NLRC5: variants seen among roughly 807,000 people sequenced by gnomAD.
The protein encoded by NLRC5 is NLR family CARD domain containing 5, also known as protein NLRC5.
In NLRC5, 114 loss-of-function variants were observed where a neutral mutation model predicts 206.9. The ratio of observed to expected loss-of-function variants is 0.55; its 90% CI spans 0.47 to 0.64. The LOEUF (loss-of-function observed/expected upper bound fraction) is 0.64. Among genes scored for constraint, NLRC5 ranks in the 30% least tolerant of loss-of-function variants. The pLI is 0.00. For missense variants in NLRC5, 2,008 were observed against 2,305.5 expected, an observed-to-expected ratio of 0.87 and a Z score of 2.64; for synonymous variants, 952 against 962.8, an observed-to-expected ratio of 0.99 and a Z score of 0.21.
In NLRC5 at chr16:57,070,567, C is replaced by A; in HGVS notation, c.4616C>A (p.Thr1539Asn). 1 of 1,614,094 alleles carries A rather than the reference C, an allele frequency of 6.2e-7. No individual in the cohort carries two copies. Among genetic ancestry groups the A allele is most frequent in the Non-Finnish European group, 8.5e-7 (1 of 1,180,010 alleles). ...LSNNQFDEEGTKALMRALEGK... is the reference protein window; with the variant it reads ...LSNNQFDEEGNKALMRALEGK... The stretch of plus-strand genomic sequence containing the variant: ...AACAATCAATTTGATGAGGAGGGCA[C>A]CAAGGCGCTGATGAGGGCCCTTGAG... The change falls in exon 38 of 49, where the codon ACC (threonine) becomes AAC (asparagine). Residue 1539 changes from threonine to asparagine, a missense_variant. Thr to Asn is a moderately conservative substitution (Grantham distance 65, BLOSUM62 0). Coordinates refer to ENST00000688547, the MANE Select transcript of NLRC5 (RefSeq NM_001384950.1).
chr16:57,041,507 G>A lies in NLRC5; in HGVS notation c.2962G>A (p.Glu988Lys). The A allele has an allele frequency of 6.2e-7, 1 of 1,614,108 alleles. No homozygotes were observed. The highest frequency in any genetic ancestry group is 8.5e-7 in the Non-Finnish European group (1 of 1,180,004). ...RMRLTHCGLQ[E>K]KHLEQLCKAL... Reference sequence around the variant, plus strand: ...CAGGCTGACACATTGTGGCCTCCAAGAAAAGCACCTAGAGCAGCTCTGCAA... The same window carrying A: ...CAGGCTGACACATTGTGGCCTCCAAAAAAAGCACCTAGAGCAGCTCTGCAA... Residue 988 changes from glutamate to lysine, a missense_variant, in exon 18 of 49, where the codon GAA becomes AAA. Coordinates refer to ENST00000688547, the MANE Select transcript of NLRC5 (RefSeq NM_001384950.1).
chr16:57,079,352 T>A, intron 45 of NLRC5, 60 bp downstream of exon 45: 1 of 1,576,716 alleles, frequency 6.3e-7, no homozygotes, highest in East Asian at 2.2e-5. Flanking sequence ...AGCCCTTCTC[T>A]GACTGAGCCT....
intron 1 of NLRC5, chr16:56,990,475 T>C (rs1290465675): frequency 1.3e-5 from 2 of 152,214 alleles, no homozygotes. Flanking sequence ...TGCATTCCCA[T>C]GTGGTTTTCG....
At chr16:57,015,622 A>G (rs942594774) in intron 1 of NLRC5, among the ~76,000 whole-genome samples, 3 of 151,330 alleles carry the variant, frequency 2.0e-5, no homozygotes, top group African/African-American at 4.8e-5. Flanking sequence ...AAATAAATAA[A>G]TAAATAAATA....
rs796800219 is a variant in NLRC5, at chr16:57,046,947, A to C, written c.3338+306A>C. On this transcript the variant is annotated intron_variant, in intron 22 of 48. Transcript: ENST00000688547. ...GGGGTCTCCATCTGCTCTGGGGGACACCCACTTTCCAGAAAGAAAGGGGTT... is the reference window on the plus strand; with the variant it reads ...GGGGTCTCCATCTGCTCTGGGGGACCCCCACTTTCCAGAAAGAAAGGGGTT... Among the ~76,000 whole-genome samples the C allele has an allele frequency of 1.8e-4, 28 of 152,218 alleles. 1 individual carries two copies. The highest frequency in any genetic ancestry group is 6.5e-4 in the African/African-American group (27 of 41,510).
chr16:57,028,507 G>A (rs2061475562), intron 8 of NLRC5, 122 bp downstream of exon 8: 2 of 752,624 alleles, frequency 2.7e-6, no homozygotes, highest in African/African-American at 1.7e-5. Context: ...GAGACCCAGA[G>A]AGGGAAGGCA....
In NLRC5 at chr16:57,013,772, G is replaced by A. The variant is rs569387022; in HGVS notation, c.-127-3302G>A. 2.5e-5 allele frequency: 18 copies of A among 706,192 alleles called. No homozygotes were observed. The Admixed American group carries it at 3.7e-4, about 14-fold the overall frequency. 43.7% of individuals were successfully genotyped at this position (706,192 alleles called of 1,614,324 possible). A position where few individuals can be genotyped will look rare whatever the true frequency, so the allele number is the denominator to read the frequency against. On this transcript the variant is annotated intron_variant, in intron 1 of 48. Transcript: ENST00000688547. ...ATTTTTTATCCTCAATTCAGAACTT[G>A]GTATTTTCATTAAGTCACCCAGAAG...
intron 1 of NLRC5, chr16:56,990,687 G>T (rs1048531533): frequency 1.3e-5 from 2 of 152,184 alleles, no homozygotes; most frequent in African/African-American, 4.8e-5. Context: ...TCTAAAACCC[G>T]GGGGTAGCAG....
chr16:57,076,383 C>T (rs2068400020), intron 39 of NLRC5, among the ~76,000 whole-genome samples: 2 of 152,248 alleles, frequency 1.3e-5, no homozygotes, highest in Admixed American at 6.5e-5. Context: ...GAAAAACCTA[C>T]CATTTGCATG....
At chr16:57,024,571 C>T (rs1194394540) in intron 5 of NLRC5, among the ~76,000 whole-genome samples, 2 of 152,206 alleles carry the variant, frequency 1.3e-5, no homozygotes, top group Non-Finnish European at 2.9e-5. Context: ...ACATCTGGCA[C>T]TGTAGGGGCC....
intron 1 of NLRC5, among the ~76,000 whole-genome samples, chr16:56,998,001 A>G (rs1227568536): frequency 1.3e-5 from 2 of 152,110 alleles, no homozygotes; most frequent in Non-Finnish European, 2.9e-5. Context: ...TCCGGATGTC[A>G]GCCTCTAAGT....
At chr16:57,021,064 G>A in intron 3 of NLRC5, 57 bp downstream of exon 3, 1 of 1,530,356 alleles carries the variant, frequency 6.5e-7, no homozygotes, top group Non-Finnish European at 9.0e-7. Context: ...GTCATGGGGA[G>A]CCGGGAGGAG....
rs2063285610 is a variant in NLRC5 at position 57,041,480 on chromosome 16, G to A, written c.2940-5G>A. ...ATGCAGCACTGTGTTTTTGTCCCTG[G>A]GCAGGCTGACACATTGTGGCCTCCA... On this transcript the variant is annotated splice_polypyrimidine_tract_variant and splice_region_variant and intron_variant, in intron 17 of 48. Transcript: ENST00000688547. 4.3e-6 allele frequency: 7 copies of A among 1,613,378 alleles called. No individual in the cohort carries two copies. In the South Asian group the frequency reaches 4.4e-5, roughly 10 times the overall value.
At chr16:57,072,140 C>G (rs977246352) in intron 38 of NLRC5, among the ~76,000 whole-genome samples, 4 of 152,122 alleles carry the variant, frequency 2.6e-5, no homozygotes, top group African/African-American at 9.7e-5. Flanking sequence ...ATTTGTCAGG[C>G]TTCTCTCTCA....
rs1187666982 is a variant in NLRC5, at chr16:57,081,575, A to C, written c.5454A>C (p.Glu1818Asp). The C allele has an allele frequency of 6.2e-7, 1 of 1,614,078 alleles. No homozygotes were observed. Among genetic ancestry groups the C allele is most frequent in the Non-Finnish European group, 8.5e-7 (1 of 1,179,980 alleles). Reference protein sequence around the residue: ...ITALGAWLLAEGLAQGSSIQV... With the variant: ...ITALGAWLLADGLAQGSSIQV... ...CTTTGGGGGCCTGGCTCCTGGCTGA[A>C]GGACTGGCCCAGGGGTCTAGCATCC... The change falls in exon 48 of 49, where the codon GAA becomes GAC. Residue 1818 changes from glutamate (E) to aspartate (D), a missense_variant. Coordinates refer to ENST00000688547, the MANE Select transcript of NLRC5 (RefSeq NM_001384950.1).
Position 57,028,103 on chromosome 16 carries a change from G to C in NLRC5, c.2107G>C (p.Ala703Pro). The change falls in exon 7 of 49, where the codon GCA (alanine) becomes CCA (proline). Residue 703 changes from alanine to proline, a missense_variant. Coordinates refer to ENST00000688547, the MANE Select transcript of NLRC5 (RefSeq NM_001384950.1). Reference sequence around the variant, plus strand: ...GAGCAGGAAGTGTGGGGATGCCTTTGCAGAAGCCCTCTCCAGGAGCTTGCC... The same window carrying C: ...GAGCAGGAAGTGTGGGGATGCCTTTCCAGAAGCCCTCTCCAGGAGCTTGCC... The part of the protein sequence containing the change: ...FKSRKCGDAF[A>P]EALSRSLPTM... 1.2e-6 allele frequency: 2 copies of C among 1,613,782 alleles called. No homozygotes were observed. Among genetic ancestry groups the C allele is most frequent in the Non-Finnish European group, 1.7e-6 (2 of 1,179,848 alleles).
intron 1 of NLRC5, among the ~76,000 whole-genome samples, chr16:57,006,762 C>T (rs556206526): frequency 2.0e-5 from 3 of 152,134 alleles, no homozygotes; most frequent in African/African-American, 7.2e-5. Flanking sequence ...AGTGTGATTA[C>T]ATGGCATTTA....
chr16:57,044,311 A>AG (rs144411241), intron 20 of NLRC5, among the ~76,000 whole-genome samples: 1,749 of 151,652 alleles, frequency 0.012, 28 homozygotes, highest in African/African-American at 0.04. Flanking sequence ...TCTCAAAAAA[A>AG]AAAAGAAAAG....
intron 1 of NLRC5, among the ~76,000 whole-genome samples, chr16:57,010,288 T>C (rs2059353674): frequency 1.3e-5 from 2 of 152,238 alleles, no homozygotes; most frequent in Non-Finnish European, 2.9e-5. Context: ...GCTTTTCCAG[T>C]AGAAATGTAG....
Sources: gnomAD v4.1 joint callset for allele counts (sites outside exome capture counted in the v4.1 genomes callset) on GRCh38, gnomAD v4.1.1 for gene constraint, MANE v1.5 for transcripts, NCBI Gene and HGNC (gene_info 2026-07-23, HGNC 2026-07-21) for gene names.